Variants in RAP1GDS1 observed in about 807,000 individuals in gnomAD.
The protein encoded by RAP1GDS1 is Rap1 GTPase-GDP dissociation stimulator 1, also known as RAP1, GTP-GDP dissociation stimulator 1.
RAP1GDS1 carries 35 observed loss-of-function variants against 71.1 expected under a neutral mutation model. The ratio of observed to expected loss-of-function variants is 0.49; its 90% CI spans 0.38 to 0.65. RAP1GDS1 has a LOEUF of 0.65. Ranked by LOEUF, RAP1GDS1 falls within the 30% of genes least tolerant of loss-of-function variation. RAP1GDS1 has a pLI of 0.00. For synonymous variants in RAP1GDS1, 229 were observed against 243.1 expected (o/e 0.94, Z 0.54); for missense variants, 663 against 706.1 (o/e 0.94, Z 0.69).
At chr4:98,270,825 CCTCTT>C (rs1176009908) in intron 1 of RAP1GDS1, among the ~76,000 whole-genome samples, 3 of 152,038 alleles carry the variant, frequency 2.0e-5, no homozygotes, top group African/African-American at 4.8e-5. Context: ...ATGAACCCCT[CCTCTT>C]CTCAGCCTAC....
At chr4:98,292,125 T>C (rs1578325978) in intron 1 of RAP1GDS1, among the ~76,000 whole-genome samples, 1 of 151,134 alleles carries the variant, frequency 6.6e-6, no homozygotes, top group African/African-American at 2.5e-5. Context: ...GATTTTTTTT[T>C]TTTCCTTTTT....
chr4:98,421,171 C>T, intron 11 of RAP1GDS1, 84 bp from the exon 12 acceptor site: 1 of 1,350,300 alleles, frequency 7.4e-7, no homozygotes. Context: ...TTTTAGACGT[C>T]CTTCACACTC....
chr4:98,330,640 C>T (rs530974709), intron 2 of RAP1GDS1, among the ~76,000 whole-genome samples: 61 of 143,466 alleles, frequency 4.3e-4, no homozygotes, highest in African/African-American at 1.2e-3. Flanking sequence ...CGGGCAGAGA[C>T]GCTCCTCACT....
chr4:98,391,696 A>ATGAT lies in RAP1GDS1; in HGVS notation c.509-254_509-251dup, dbSNP rs1218053005. Among the ~76,000 whole-genome samples the ATGAT allele has an allele frequency of 5.3e-5, 8 of 152,246 alleles. No homozygotes were observed. The East Asian group carries it at 1.5e-3, about 29-fold the overall frequency. ...GTATAAGACCCCATTTAGAAAACTA[A>ATGAT]TGATTTGATATAGTCTTCAAACTAT... On this transcript the variant is annotated intron_variant, in intron 5 of 14. Coordinates refer to ENST00000408927, the MANE Select transcript of RAP1GDS1 (RefSeq NM_001100427.2).
intron 1 of RAP1GDS1, among the ~76,000 whole-genome samples, chr4:98,288,034 G>A (rs1183728122): frequency 6.6e-6 from 1 of 151,860 alleles, no homozygotes; most frequent in East Asian, 1.9e-4. Context: ...TTTCTTATTT[G>A]TTTTTCTTTT....
Position 98,442,279 on chromosome 4 carries a change from A to G in RAP1GDS1, c.*162A>G. On this transcript the variant is annotated 3_prime_UTR_variant, in exon 15 of 15. Coordinates refer to ENST00000408927, the MANE Select transcript of RAP1GDS1 (RefSeq NM_001100427.2). ...AGGTACCTCCCTAATAAGATTTCTAAACCTATAGTTAGTGTGATCATGACT... is the reference window on the plus strand; with the variant it reads ...AGGTACCTCCCTAATAAGATTTCTAGACCTATAGTTAGTGTGATCATGACT... 2 of 970,056 alleles carry G rather than the reference A, an allele frequency of 2.1e-6. No individual in the cohort carries two copies. Among genetic ancestry groups the G allele is most frequent in the Non-Finnish European group, 2.9e-6 (2 of 693,374 alleles). 60.1% of individuals were successfully genotyped at this position (970,056 alleles called of 1,614,324 possible).
intron 7 of RAP1GDS1, 91 bp downstream of exon 7, chr4:98,404,693 A>G (rs932168428): frequency 1.4e-6 from 2 of 1,431,474 alleles, no homozygotes; most frequent in African/African-American, 2.9e-5. Context: ...ATTTGACTCA[A>G]AACCATTCTT....
intron 3 of RAP1GDS1, among the ~76,000 whole-genome samples, chr4:98,347,206 G>T (rs1736420200): frequency 6.6e-6 from 1 of 151,988 alleles, no homozygotes; most frequent in South Asian, 2.1e-4. Flanking sequence ...ATGTGAGGGG[G>T]ATATAAATCT....
At chr4:98,325,792 G>C (rs1478632181) in intron 2 of RAP1GDS1, among the ~76,000 whole-genome samples, 1 of 117,422 alleles carries the variant, frequency 8.5e-6, no homozygotes, top group African/African-American at 3.2e-5. Context: ...GGAGGGGGGA[G>C]GGATAGCATT....
chr4:98,358,332 A>G (rs921075810), intron 4 of RAP1GDS1, among the ~76,000 whole-genome samples: 3 of 152,050 alleles, frequency 2.0e-5, no homozygotes, highest in African/African-American at 7.2e-5. Flanking sequence ...TTCTTGTACT[A>G]ATCTTCAACA....
At chr4:98,412,959 T>C (rs773882814) in intron 7 of RAP1GDS1, among the ~76,000 whole-genome samples, 4 of 152,140 alleles carry the variant, frequency 2.6e-5, no homozygotes, top group Non-Finnish European at 5.9e-5. Flanking sequence ...TTAGAATTAC[T>C]GATGAGGGTC....
At chr4:98,405,732 C>T (rs1011276277) in intron 7 of RAP1GDS1, among the ~76,000 whole-genome samples, 16 of 151,876 alleles carry the variant, frequency 1.1e-4, no homozygotes, top group African/African-American at 2.4e-5. Context: ...GTTTGGCTGA[C>T]AGCTACCTTC....
Position 98,442,325 on chromosome 4 carries a change from C to T in RAP1GDS1, c.*208C>T, listed in dbSNP as rs1751987635. On this transcript the variant is annotated 3_prime_UTR_variant, in exon 15 of 15. Coordinates refer to ENST00000408927, the MANE Select transcript of RAP1GDS1 (RefSeq NM_001100427.2). The stretch of plus-strand genomic sequence containing the variant: ...TGACTTTGTCAAAGGCAAGTCTCCA[C>T]CCATAACCGTTCTCTTGTATTCCTG... 1 of 561,144 alleles carries T rather than the reference C, an allele frequency of 1.8e-6. No individual in the cohort carries two copies. The highest frequency in any genetic ancestry group is 2.9e-6 in the Non-Finnish European group (1 of 347,048). 34.8% of individuals were successfully genotyped at this position (561,144 alleles called of 1,614,324 possible).
chr4:98,293,835 C>A (rs559684628), intron 2 of RAP1GDS1, among the ~76,000 whole-genome samples: 1 of 152,070 alleles, frequency 6.6e-6, no homozygotes, highest in African/African-American at 2.4e-5. Flanking sequence ...TTAGCACCTA[C>A]ATCTGTGCTT....
At chr4:98,404,240 TTGC>T (rs1178550172) in intron 6 of RAP1GDS1, among the ~76,000 whole-genome samples, 2 of 152,186 alleles carry the variant, frequency 1.3e-5, no homozygotes, top group African/African-American at 2.4e-5. Flanking sequence ...AATTTTGTTG[TTGC>T]TGTGGTTACT....
chr4:98,399,002 C>G (rs886650545), intron 6 of RAP1GDS1, among the ~76,000 whole-genome samples: 2 of 152,084 alleles, frequency 1.3e-5, no homozygotes, highest in African/African-American at 4.8e-5. Flanking sequence ...CTATTCAAAG[C>G]AATCTGCAGA....
intron 3 of RAP1GDS1, among the ~76,000 whole-genome samples, chr4:98,349,613 T>C (rs976702535): frequency 7.9e-5 from 12 of 152,222 alleles, no homozygotes; most frequent in African/African-American, 2.9e-4. Context: ...AGAATGTTCT[T>C]CCATTTGTTT....
intron 7 of RAP1GDS1, among the ~76,000 whole-genome samples, chr4:98,411,526 T>C (rs1747059163): frequency 2.0e-5 from 3 of 152,210 alleles, no homozygotes; most frequent in Admixed American, 2.0e-4. Context: ...AGGTCCTATT[T>C]CTTAGGGAGA....
chr4:98,412,154 T>A (rs1747161823), intron 7 of RAP1GDS1, among the ~76,000 whole-genome samples: 1 of 152,198 alleles, frequency 6.6e-6, no homozygotes, highest in Non-Finnish European at 1.5e-5. Context: ...CATATATGGA[T>A]GCATATACAG....
Sources: allele counts gnomAD v4.1 joint callset (sites outside exome capture counted in the v4.1 genomes callset), GRCh38; gene constraint gnomAD v4.1.1; transcripts MANE v1.5; gene names NCBI Gene and HGNC (gene_info 2026-07-23, HGNC 2026-07-21).